The following SUCLG2 variants were observed in gnomAD, a reference collection of about 807,000 sequenced individuals.
SUCLG2 encodes the protein succinate-CoA ligase GDP-forming subunit beta, also known as succinate--CoA ligase [GDP-forming] subunit beta, mitochondrial.
In SUCLG2, 42 loss-of-function variants were observed where a neutral mutation model predicts 47.9. The observed-to-expected ratio is 0.88, with a 90% CI of 0.69 to 1.14. The LOEUF (loss-of-function observed/expected upper bound fraction) is 1.14. SUCLG2 is among the 50% of genes most tolerant of loss of function. The probability of loss-of-function intolerance (pLI) is 0.00; values close to 1 mark genes in which losing one functional copy is unlikely to be tolerated. For missense variants in SUCLG2, 571 were observed against 525.9 expected (o/e 1.09, Z -0.84); for synonymous variants, 195 against 197.3 (o/e 0.99, Z 0.10).
chr3:67,515,993 C>T (rs1421817350), intron 6 of SUCLG2, among the ~76,000 whole-genome samples: 1 of 152,114 alleles, frequency 6.6e-6, no homozygotes, highest in African/African-American at 2.4e-5. Flanking sequence ...ATTCCTTTAT[C>T]CGTCCCTCTT....
intron 9 of SUCLG2, among the ~76,000 whole-genome samples, chr3:67,491,716 A>T (rs1268767282): frequency 6.6e-6 from 1 of 152,216 alleles, no homozygotes; most frequent in South Asian, 2.1e-4. Context: ...GTAATAATTC[A>T]TCAAGCTGTA....
At chr3:67,543,494 C>G (rs1575766706) in intron 2 of SUCLG2, among the ~76,000 whole-genome samples, 1 of 152,136 alleles carries the variant, frequency 6.6e-6, no homozygotes, top group East Asian at 1.9e-4. Context: ...TGGTGAAACC[C>G]TGTCTCTACA....
intron 2 of SUCLG2, among the ~76,000 whole-genome samples, chr3:67,577,962 T>A (rs1018896566): frequency 6.6e-6 from 1 of 152,078 alleles, no homozygotes; most frequent in Non-Finnish European, 1.5e-5. Context: ...AAATCTGAAT[T>A]TCAAAAAGCA....
chr3:67,361,471 T>A (rs1417657013), intron 10 of SUCLG2, among the ~76,000 whole-genome samples: 1 of 152,166 alleles, frequency 6.6e-6, no homozygotes, highest in African/African-American at 2.4e-5. Context: ...AACTGCAGCC[T>A]GTAGTTAAAA....
At chr3:67,631,757 G>A (rs527672764) in intron 1 of SUCLG2, among the ~76,000 whole-genome samples, 2 of 152,118 alleles carry the variant, frequency 1.3e-5, no homozygotes, top group African/African-American at 4.8e-5. Flanking sequence ...TGTCTGCCAC[G>A]TCCCATGAGA....
intron 2 of SUCLG2, among the ~76,000 whole-genome samples, chr3:67,571,913 G>A (rs1707622736): frequency 6.6e-6 from 1 of 152,136 alleles, no homozygotes; most frequent in Non-Finnish European, 1.5e-5. Context: ...CTTATGGGTG[G>A]CTTCCTTGTG....
At chr3:67,528,278 G>A in intron 3 of SUCLG2, 56 bp from the exon 4 acceptor site, 2 of 1,509,918 alleles carry the variant, frequency 1.3e-6, no homozygotes, top group East Asian at 4.6e-5. Flanking sequence ...TCATTTAAAT[G>A]AGAGTCCTTA....
intron 1 of SUCLG2, among the ~76,000 whole-genome samples, chr3:67,623,355 G>A (rs1362717102): frequency 1.3e-5 from 2 of 152,062 alleles, no homozygotes; most frequent in Non-Finnish European, 2.9e-5. Flanking sequence ...AAAAAAATTA[G>A]CTGGGCGTGA....
intron 2 of SUCLG2, among the ~76,000 whole-genome samples, chr3:67,543,691 AC>A (rs1467887981): frequency 1.3e-5 from 2 of 152,188 alleles, no homozygotes; most frequent in Non-Finnish European, 1.5e-5. Context: ...ATGAGCAACA[AC>A]CAAACTATTA....
intron 2 of SUCLG2, among the ~76,000 whole-genome samples, chr3:67,544,381 C>G (rs552264818): frequency 3.5e-4 from 53 of 152,214 alleles, no homozygotes; most frequent in Middle Eastern, 6.8e-3. Flanking sequence ...ATGCTGTTCT[C>G]ATGATAGTGG....
intron 9 of SUCLG2, among the ~76,000 whole-genome samples, chr3:67,474,217 G>A (rs1030770032): frequency 2.2e-4 from 33 of 151,808 alleles, no homozygotes; most frequent in Admixed American, 5.2e-4. Flanking sequence ...CCGAGATTGC[G>A]CCACTGCACT....
At chr3:67,540,273 T>C (rs906427828) in intron 2 of SUCLG2, among the ~76,000 whole-genome samples, 14 of 152,152 alleles carry the variant, frequency 9.2e-5, no homozygotes, top group South Asian at 2.1e-4. Flanking sequence ...TTTGTTCTCA[T>C]TGGTTTCAAA....
intron 2 of SUCLG2, among the ~76,000 whole-genome samples, chr3:67,538,930 G>A (rs1017367188): frequency 3.9e-5 from 6 of 152,208 alleles, no homozygotes; most frequent in Non-Finnish European, 7.4e-5. Flanking sequence ...CTTCGCTGAA[G>A]TTCCTTATCA....
At chr3:67,402,649 C>T (rs766220172) in intron 9 of SUCLG2, among the ~76,000 whole-genome samples, 1 of 152,196 alleles carries the variant, frequency 6.6e-6, no homozygotes, top group Non-Finnish European at 1.5e-5. Flanking sequence ...GCAAGAATGA[C>T]TCCATGGGGT....
intron 9 of SUCLG2, among the ~76,000 whole-genome samples, chr3:67,475,721 T>C (rs577509617): frequency 0.036 from 4,982 of 137,650 alleles, 117 homozygotes; most frequent in East Asian, 0.14. Flanking sequence ...TTCCCCTCCT[T>C]TTTTTTTTTT....
intron 1 of SUCLG2, among the ~76,000 whole-genome samples, chr3:67,610,508 GAAAA>G (rs796945028): frequency 1.6e-5 from 2 of 124,318 alleles, no homozygotes; most frequent in Non-Finnish European, 3.5e-5. Context: ...TTAAAAGAAG[GAAAA>G]AAAAAAAAAA....
chr3:67,559,510 A>G (rs1250843955), intron 2 of SUCLG2, among the ~76,000 whole-genome samples: 1 of 152,136 alleles, frequency 6.6e-6, no homozygotes, highest in East Asian at 1.9e-4. Context: ...CCATCATGAG[A>G]ACAGCATAGG....
At position 67,495,874 on chromosome 3, in the gene SUCLG2, T is replaced by A; in HGVS notation, c.986A>T (p.Asn329Ile). The change falls in exon 9 of 11, where the codon AAC becomes ATC. Residue 329 changes from asparagine to isoleucine, a missense_variant. Asn to Ile is a moderately radical substitution (Grantham distance 149). Transcript: ENST00000307227. ...IIFLNGGKPA[N>I]FLDLGGGVKE... ...TACACCACCTCCAAGATCCAAGAAG[T>A]TGGCTGGCTTCCCACCATTAAGGAA... is the stretch of plus-strand genomic sequence containing the variant. The A allele has an allele frequency of 2.5e-6, 4 of 1,613,984 alleles. No individual in the cohort carries two copies. Among genetic ancestry groups the A allele is most frequent in the Non-Finnish European group, 3.4e-6 (4 of 1,179,974 alleles).
chr3:67,420,204 C>T (rs1307410271), intron 9 of SUCLG2, among the ~76,000 whole-genome samples: 1 of 152,204 alleles, frequency 6.6e-6, no homozygotes, highest in Admixed American at 6.5e-5. Flanking sequence ...AAGTGACTTA[C>T]TATCAAATAT....
Sources: gnomAD v4.1 joint callset for allele counts (sites outside exome capture counted in the v4.1 genomes callset) on GRCh38, gnomAD v4.1.1 for gene constraint, MANE v1.5 for transcripts, NCBI Gene and HGNC (gene_info 2026-07-23, HGNC 2026-07-21) for gene names.